PCED1B: variants seen among roughly 807,000 people sequenced by gnomAD.
The protein encoded by PCED1B is PC-esterase domain-containing protein 1B.
For missense variants in PCED1B, 573 were observed against 573.9 expected (o/e 1.00, Z 0.02); for synonymous variants, 251 against 246.1 (o/e 1.02, Z -0.19).
intron 2 of PCED1B, among the ~76,000 whole-genome samples, chr12:47,163,799 A>G: frequency 6.6e-6 from 1 of 152,210 alleles, no homozygotes; most frequent in Non-Finnish European, 1.5e-5. Flanking sequence ...AGGTTCAACA[A>G]CATAGCACCC....
intron 2 of PCED1B, among the ~76,000 whole-genome samples, chr12:47,137,908 C>G (rs1361334794): frequency 6.6e-6 from 1 of 152,042 alleles, no homozygotes; most frequent in Non-Finnish European, 1.5e-5. Flanking sequence ...GGATTTGAAA[C>G]TTTATTCAGA....
intron 2 of PCED1B, among the ~76,000 whole-genome samples, chr12:47,137,908 C>T (rs1361334794): frequency 2.0e-5 from 3 of 152,042 alleles, no homozygotes; most frequent in East Asian, 1.9e-4. Flanking sequence ...GGATTTGAAA[C>T]TTTATTCAGA....
At position 47,235,992 on chromosome 12, in the gene PCED1B, T is replaced by G; in HGVS notation, c.929T>G (p.Leu310Trp). 6.2e-7 allele frequency: 1 copy of G among 1,612,398 alleles called. No homozygotes were observed. The highest frequency in any genetic ancestry group is 1.7e-5 in the Admixed American group (1 of 59,914). Residue 310 changes from leucine to tryptophan, a missense_variant, in exon 4 of 4, where the codon TTG becomes TGG. Transcript: ENST00000546455. ...CTGCTTGGGTTCCCACCCCAGCGCTTGCCGCTGCTCCCGCTCCTGTCCCCA... is the reference window on the plus strand; with the variant it reads ...CTGCTTGGGTTCCCACCCCAGCGCTGGCCGCTGCTCCCGCTCCTGTCCCCA... Reference protein sequence around the residue: ...RPLLGFPPQRLPLLPLLSPQP... With the variant: ...RPLLGFPPQRWPLLPLLSPQP...
rs986765197 is a variant in PCED1B at position 47,146,201 on chromosome 12, T to A, written c.-526+42006T>A. Among the ~76,000 whole-genome samples the A allele has an allele frequency of 4.6e-5, 7 of 152,228 alleles. No individual in the cohort carries two copies. The East Asian group carries it at 1.3e-3, about 29-fold the overall frequency. Reference sequence around the variant, plus strand: ...TAGAAATAGAAGCGGAGACTGAAGATGTGATTGATTGCTGCAATCTCATGA... The same window carrying A: ...TAGAAATAGAAGCGGAGACTGAAGAAGTGATTGATTGCTGCAATCTCATGA... On this transcript the variant is annotated intron_variant, in intron 2 of 3. Coordinates refer to ENST00000546455, the MANE Select transcript of PCED1B (RefSeq NM_138371.3).
intron 2 of PCED1B, among the ~76,000 whole-genome samples, chr12:47,179,341 C>G (rs368184974): frequency 3.3e-5 from 5 of 152,170 alleles, no homozygotes; most frequent in African/African-American, 1.2e-4. Flanking sequence ...TCTGGACATA[C>G]TAGCTGAGGG....
At position 47,183,808 on chromosome 12, in the gene PCED1B, T is replaced by G. The variant is rs1001573943; in HGVS notation, c.-525-32414T>G. On this transcript the variant is annotated intron_variant, in intron 2 of 3. Transcript: ENST00000546455. ...ACTTCCTGCACTCGTAAACTTTTTTTTATGTTTTAATAGACTTTGATTCCT... is the reference window on the plus strand; with the variant it reads ...ACTTCCTGCACTCGTAAACTTTTTTGTATGTTTTAATAGACTTTGATTCCT... Among the ~76,000 whole-genome samples the G allele has an allele frequency of 2.6e-5, 4 of 152,202 alleles. No homozygotes were observed. In the East Asian group the frequency reaches 7.7e-4, roughly 29 times the overall value.
At chr12:47,226,575 A>G (rs1049647523) in intron 3 of PCED1B, among the ~76,000 whole-genome samples, 3 of 152,138 alleles carry the variant, frequency 2.0e-5, no homozygotes, top group African/African-American at 7.2e-5. Flanking sequence ...GGGTTTCAAC[A>G]TGTTGGCCAG....
At chr12:47,147,946 C>A (rs937301151) in intron 2 of PCED1B, among the ~76,000 whole-genome samples, 7 of 152,156 alleles carry the variant, frequency 4.6e-5, no homozygotes, top group African/African-American at 1.7e-4. Flanking sequence ...TACCAATTTT[C>A]TTCATTCCTT....
At chr12:47,199,220 A>C (rs915471991) in intron 2 of PCED1B, among the ~76,000 whole-genome samples, 10 of 152,198 alleles carry the variant, frequency 6.6e-5, no homozygotes, top group African/African-American at 2.2e-4. Context: ...GGAAAACTAC[A>C]AAACTGTGAT....
intron 2 of PCED1B, among the ~76,000 whole-genome samples, chr12:47,194,826 G>A (rs1048978768): frequency 1.3e-5 from 2 of 152,174 alleles, no homozygotes; most frequent in Admixed American, 6.5e-5. Context: ...GGCTAAATTC[G>A]AGAGTAAATG....
At chr12:47,224,181 A>C (rs927780009) in intron 3 of PCED1B, 5 of 152,216 alleles carry the variant, frequency 3.3e-5, no homozygotes, top group African/African-American at 1.2e-4. Context: ...AAATGCTTTG[A>C]TTATTTATTT....
chr12:47,191,533 G>C (rs1942438311), intron 2 of PCED1B, among the ~76,000 whole-genome samples: 1 of 152,124 alleles, frequency 6.6e-6, no homozygotes, highest in African/African-American at 2.4e-5. Context: ...TCTCATCCTA[G>C]GCAAATTGGG....
chr12:47,089,899 G>A (rs933120172), intron 1 of PCED1B, among the ~76,000 whole-genome samples: 1 of 151,948 alleles, frequency 6.6e-6, no homozygotes, highest in South Asian at 2.1e-4. Context: ...TCAACCTCCC[G>A]AGTAGCTGGG....
intron 2 of PCED1B, among the ~76,000 whole-genome samples, chr12:47,166,773 A>G (rs1941557194): frequency 6.6e-6 from 1 of 152,228 alleles, no homozygotes; most frequent in Non-Finnish European, 1.5e-5. Context: ...TCTATTGGTT[A>G]TCAGAGTAGA....
Position 47,235,477 on chromosome 12 carries a change from C to T in PCED1B, c.414C>T (p.Ser138=). Residue 138 remains serine, a synonymous_variant, in exon 4 of 4, where the codon AGC becomes AGT. Transcript: ENST00000546455. ...GGTATGGTCCGAACTCCTGGAGAAG[C>T]TACCTGGAGAACCTGGAGAACCTGT... The part of the protein sequence containing the change: ...ISRYGPNSWR[S]YLENLENLFQ... 1 of 1,613,792 alleles carries T rather than the reference C, an allele frequency of 6.2e-7. No individual in the cohort carries two copies. Among genetic ancestry groups the T allele is most frequent in the African/African-American group, 1.3e-5 (1 of 75,050 alleles).
chr12:47,102,320 C>A (rs1017059963), intron 1 of PCED1B, among the ~76,000 whole-genome samples: 2 of 152,192 alleles, frequency 1.3e-5, no homozygotes, highest in African/African-American at 4.8e-5. Flanking sequence ...AAAATGTAGA[C>A]ATATTGTCAG....
intron 2 of PCED1B, among the ~76,000 whole-genome samples, chr12:47,201,454 A>G (rs1215370393): frequency 6.6e-6 from 1 of 152,152 alleles, no homozygotes; most frequent in Non-Finnish European, 1.5e-5. Flanking sequence ...CTCTTAGCTA[A>G]GGGAGAGTCA....
intron 1 of PCED1B, among the ~76,000 whole-genome samples, chr12:47,088,392 T>C (rs1042253852): frequency 1.3e-5 from 2 of 152,100 alleles, no homozygotes; most frequent in African/African-American, 4.8e-5. Context: ...TCCATGGTGC[T>C]CTCTCTCAGC....
intron 2 of PCED1B, among the ~76,000 whole-genome samples, chr12:47,110,344 C>A (rs772467106): frequency 2.0e-5 from 3 of 151,672 alleles, no homozygotes; most frequent in African/African-American, 7.3e-5. Flanking sequence ...AAGAGGAAAG[C>A]GCAATAGGGT....
Sources: allele counts gnomAD v4.1 joint callset (sites outside exome capture counted in the v4.1 genomes callset), GRCh38; gene constraint gnomAD v4.1.1; transcripts MANE v1.5; gene names NCBI Gene and HGNC (gene_info 2026-07-23, HGNC 2026-07-21).